The following GGA2 variants were observed in gnomAD, a reference collection of about 807,000 sequenced individuals.
GGA2 encodes the protein ADP-ribosylation factor-binding protein GGA2.
GGA2 carries 48 observed loss-of-function variants against 79.5 expected under a neutral mutation model. The observed-to-expected ratio is 0.60, with a 90% confidence interval of 0.48 to 0.77. The LOEUF (loss-of-function observed/expected upper bound fraction) is 0.77, where lower values mean the gene tolerates loss of function less well. GGA2 is among the 30% of genes least tolerant of loss of function. The pLI, the probability that GGA2 is intolerant of heterozygous loss-of-function variation, is 0.00. For synonymous variants in GGA2, 317 were observed against 302.0 expected (o/e 1.05, Z -0.51); for missense variants, 770 against 774.0 (o/e 0.99, Z 0.06).
chr16:23,488,545 G>A, intron 6 of GGA2, 61 bp downstream of exon 6: 1 of 952,808 alleles, frequency 1.0e-6, no homozygotes, highest in South Asian at 1.3e-5. Flanking sequence ...AGCATCAAAG[G>A]GCATTTACAG....
intron 1 of GGA2, chr16:23,521,730 A>C (rs1246417170): frequency 2.2e-6 from 1 of 452,704 alleles, no homozygotes; most frequent in African/African-American, 2.0e-5. Flanking sequence ...AGGTTCATCC[A>C]TGTTGTAGAT....
rs558721389 is a variant in GGA2 at position 23,493,477 on chromosome 16, C to T, written c.253-19G>A. 1.3e-6 allele frequency: 2 copies of T among 1,514,834 alleles called. No individual in the cohort carries two copies. Among genetic ancestry groups the T allele is most frequent in the African/African-American group, 1.4e-5 (1 of 73,142 alleles). The allele number at this position is 1,514,834 out of a possible 1,614,324, so 93.8% of individuals were successfully genotyped here. On this transcript the variant is annotated intron_variant, in intron 3 of 16. Coordinates refer to ENST00000309859, the MANE Select transcript of GGA2 (RefSeq NM_015044.4). ...CCAGCACCTGCACAGACACAGGACC[C>T]CCAGGAGAAGGTGGAAAGCCAGTGG...
intron 8 of GGA2, among the ~76,000 whole-genome samples, chr16:23,483,280 G>A (rs1964672279): frequency 6.6e-6 from 1 of 152,178 alleles, no homozygotes; most frequent in Non-Finnish European, 1.5e-5. Context: ...ACCAAGGTGG[G>A]CTGATCACCT....
chr16:23,508,067 T>A (rs1964993269), intron 1 of GGA2, among the ~76,000 whole-genome samples: 1 of 150,944 alleles, frequency 6.6e-6, no homozygotes, highest in Admixed American at 6.6e-5. Flanking sequence ...CGGCTACTTT[T>A]TTTTTTTTTT....
At chr16:23,511,636 A>G (rs1965065449), upstream of GGA2, among the ~76,000 whole-genome samples, 1 of 151,818 alleles carries the variant, frequency 6.6e-6, no homozygotes, top group Non-Finnish European at 1.5e-5. Flanking sequence ...GCATTCCTCA[A>G]TACTCTGCTT....
At chr16:23,497,371 G>A (rs1457638797) in intron 1 of GGA2, among the ~76,000 whole-genome samples, 5 of 152,194 alleles carry the variant, frequency 3.3e-5, no homozygotes, top group African/African-American at 9.6e-5. Context: ...TCCTCCCGCT[G>A]CGCCAACCCC....
intron 13 of GGA2, among the ~76,000 whole-genome samples, chr16:23,477,296 CAT>C (rs1480787538): frequency 6.6e-6 from 1 of 152,142 alleles, no homozygotes; most frequent in African/African-American, 2.4e-5. Context: ...ACAATTCCCA[CAT>C]GTTGTAGCAG....
At position 23,467,387 on chromosome 16, in the gene GGA2, AACACACACACACACACACACACAC is replaced by A. The variant is rs57255054; in HGVS notation, c.*179_*202del. On this transcript the variant is annotated 3_prime_UTR_variant, in exon 17 of 17. Transcript: ENST00000309859. ...GCCCTGTGCTACCACCCTCTCCCCG[AACACACACACACACACACACACAC>A]ACACACACACACACACACACACAGA... is the stretch of plus-strand genomic sequence containing the variant. 7.3e-4 allele frequency: 240 copies of A among 327,564 alleles called. No individual in the cohort carries two copies. Among genetic ancestry groups the A allele is most frequent in the East Asian group, 3.3e-3 (60 of 18,452 alleles). The allele number at this position is 327,564 out of a possible 1,614,324, so 20.3% of individuals were successfully genotyped here.
chr16:23,482,826 T>G, intron 9 of GGA2, 97 bp downstream of exon 9: 2 of 800,508 alleles, frequency 2.5e-6, no homozygotes, highest in South Asian at 2.8e-5. Flanking sequence ...GAACCGAAAG[T>G]CCACTCTGTC....
At chr16:23,475,189 C>CT (rs370261106) in intron 13 of GGA2, 128 bp from the exon 14 acceptor site, 11,840 of 320,300 alleles carry the variant, frequency 0.037, 43 homozygotes, top group South Asian at 0.05. Context: ...TGTTATATGC[C>CT]TTTTTTTTTT....
chr16:23,510,080 GT>G (rs140129619), intron 1 of GGA2, among the ~76,000 whole-genome samples: 13,410 of 146,364 alleles, frequency 0.092, 1,155 homozygotes, highest in African/African-American at 0.21. Context: ...CTGCTGCTAA[GT>G]TGGGGGGTGG....
chr16:23,502,943 T>C (rs1346274367), intron 1 of GGA2, among the ~76,000 whole-genome samples: 2 of 152,308 alleles, frequency 1.3e-5, no homozygotes, highest in Non-Finnish European at 2.9e-5. Context: ...TAAGTTTTTG[T>C]GGAAGGGTGG....
intron 1 of GGA2, among the ~76,000 whole-genome samples, chr16:23,498,678 T>C (rs1197366255): frequency 2.0e-5 from 3 of 152,076 alleles, no homozygotes; most frequent in Non-Finnish European, 2.9e-5. Context: ...CAGTAAGAGG[T>C]CTACAAAGGA....
At position 23,492,887 on chromosome 16, in the gene GGA2, G is replaced by A. The variant is rs117275016; in HGVS notation, c.351+473C>T. On this transcript the variant is annotated intron_variant, in intron 4 of 16. Coordinates refer to ENST00000309859, the MANE Select transcript of GGA2 (RefSeq NM_015044.4). ...CGGGTAGCATGCAACTCAGGGGAGT[G>A]TCAGAACTGAAATGAACTGTAGGAC... Among the ~76,000 whole-genome samples the A allele has an allele frequency of 2.1e-3, 322 of 152,300 alleles. 1 individual carries two copies. Among genetic ancestry groups the A allele is most frequent in the South Asian group, 5.4e-3 (26 of 4,824 alleles).
At position 23,470,059 on chromosome 16, in the gene GGA2, C is replaced by A; in HGVS notation, c.1557G>T (p.Leu519Phe). Residue 519 changes from leucine (L) to phenylalanine (F), a missense_variant, in exon 15 of 17, where the codon TTG (leucine) becomes TTT (phenylalanine). By Grantham distance (22) the Leu-to-Phe change is conservative (BLOSUM62 0). Transcript: ENST00000309859. The part of the protein sequence containing the change: ...PGHPEVQVLL[L>F]TMMSTAPQPV... ...GCTGGGGAGCCGTGCTCATCATGGTCAAGAGCAGCACCTGTACCTCTGGGT... is the reference window on the plus strand; with the variant it reads ...GCTGGGGAGCCGTGCTCATCATGGTAAAGAGCAGCACCTGTACCTCTGGGT... 6.2e-7 allele frequency: 1 copy of A among 1,608,914 alleles called. No homozygotes were observed. The highest frequency in any genetic ancestry group is 1.1e-5 in the South Asian group (1 of 89,508).
At chr16:23,492,688 T>C (rs1018137091) in intron 4 of GGA2, among the ~76,000 whole-genome samples, 31 of 152,136 alleles carry the variant, frequency 2.0e-4, no homozygotes, top group African/African-American at 7.0e-4. Context: ...TGCTTTCCTG[T>C]GTACGTGAAT....
chr16:23,515,121 T>C (rs1471919952), upstream of GGA2, among the ~76,000 whole-genome samples: 1 of 147,382 alleles, frequency 6.8e-6, no homozygotes. Flanking sequence ...TTTCATGGGG[T>C]TTTTTTTTTC....
At chr16:23,505,320 G>T (rs1463718611) in intron 1 of GGA2, among the ~76,000 whole-genome samples, 1 of 152,172 alleles carries the variant, frequency 6.6e-6, no homozygotes, top group Non-Finnish European at 1.5e-5. Flanking sequence ...GAATTCTAGA[G>T]CCCAAGAGGA....
rs748104955 is a variant in GGA2 at position 23,474,939 on chromosome 16, G to T, written c.1415C>A (p.Ala472Asp). 5.0e-5 allele frequency: 81 copies of T among 1,613,054 alleles called. No individual in the cohort carries two copies. Among genetic ancestry groups the T allele is most frequent in the Non-Finnish European group, 8.5e-7 (1 of 1,179,210 alleles). ...PSPSSQNTPL[A>D]QVFVPLESVK... is the part of the protein sequence containing the mutation. ...AGACTCCAAAGGGACAAACACTTGA[G>T]CCAGAGGTGTATTCTGTGAAGATGG... The change falls in exon 14 of 17, where the codon GCT becomes GAT. Residue 472 changes from alanine (A) to aspartate (D), a missense_variant. By Grantham distance (126) the Ala-to-Asp change is moderately radical. Transcript: ENST00000309859.
Sources: gnomAD v4.1 joint callset for allele counts (sites outside exome capture counted in the v4.1 genomes callset) on GRCh38, gnomAD v4.1.1 for gene constraint, MANE v1.5 for transcripts, NCBI Gene and HGNC (gene_info 2026-07-23, HGNC 2026-07-21) for gene names.